Variants in ZBTB25 observed in about 807,000 individuals in gnomAD.
ZBTB25 encodes the protein zinc finger and BTB domain containing 25, also known as zinc finger and BTB domain-containing protein 25.
A neutral mutation model predicts 34.2 loss-of-function variants in ZBTB25; 20 were observed. The observed-to-expected ratio is 0.58, with a 90% confidence interval of 0.41 to 0.85. ZBTB25 has a LOEUF of 0.85. Among genes scored for constraint, ZBTB25 ranks in the 40% least tolerant of loss-of-function variants. The pLI is 0.00. For missense variants in ZBTB25, 437 were observed against 521.8 expected (o/e 0.84, Z 1.58); for synonymous variants, 175 against 186.4 (o/e 0.94, Z 0.50).
intron 1 of ZBTB25, chr14:64,499,476 G>C (rs1424314299): frequency 6.6e-6 from 1 of 152,078 alleles, no homozygotes; most frequent in Non-Finnish European, 1.5e-5. Flanking sequence ...TGAGGCGGGA[G>C]AATCGCTTGA....
At chr14:64,504,580 A>C, upstream of ZBTB25, 1 of 225,658 alleles carries the variant, frequency 4.4e-6, no homozygotes, top group Non-Finnish European at 8.6e-6. Context: ...TCGACGCAGA[A>C]ACTTGTTGCA....
chr14:64,494,220 A>C (rs78200409), intron 1 of ZBTB25, among the ~76,000 whole-genome samples: 3,974 of 152,306 alleles, frequency 0.026, 165 homozygotes, highest in African/African-American at 0.09. Flanking sequence ...GAAGAGAAAC[A>C]TGGGGGTGAG....
chr14:64,451,979 A>G (rs2078379406), intron 2 of ZBTB25, among the ~76,000 whole-genome samples: 1 of 152,138 alleles, frequency 6.6e-6, no homozygotes, highest in Admixed American at 6.5e-5. Flanking sequence ...TTTTGTTTTT[A>G]TAGATAGATT....
In ZBTB25 at chr14:64,503,705, G is replaced by A. The variant is rs771243731; in HGVS notation, c.-52C>T. On this transcript the variant is annotated 5_prime_UTR_variant, in exon 1 of 3. Coordinates refer to ENST00000608382, the MANE Select transcript of ZBTB25 (RefSeq NM_006977.5). ...CAGGCCGACTCCTCCGTGCAGGAGGGGCGGGCTCCCAAGCCGCGCACTGCA... is the reference window on the plus strand; with the variant it reads ...CAGGCCGACTCCTCCGTGCAGGAGGAGCGGGCTCCCAAGCCGCGCACTGCA... 4.1e-6 allele frequency: 3 copies of A among 733,398 alleles called. No homozygotes were observed. The highest frequency in any genetic ancestry group is 5.0e-6 in the Non-Finnish European group (3 of 599,806). 45.4% of individuals were successfully genotyped at this position (733,398 alleles called of 1,614,324 possible).
chr14:64,505,047 AT>A (rs1452587222), upstream of ZBTB25: 1 of 375,722 alleles, frequency 2.7e-6, no homozygotes, highest in African/African-American at 2.1e-5. Context: ...AGGGGCGCCG[AT>A]CCGTGCGGGG....
rs2078802319 is a variant in ZBTB25, at chr14:64,482,172, G to C, written c.*4751C>G. ...ACCTACATCAAAGAAATAAAAATAG[G>C]CTGGGCCCAGTGGCCCATACCTGTA... On this transcript the variant is annotated 3_prime_UTR_variant, in exon 3 of 3. Coordinates refer to ENST00000608382, the MANE Select transcript of ZBTB25 (RefSeq NM_006977.5). The C allele has an allele frequency of 6.6e-6, 1 of 152,036 alleles. No individual in the cohort carries two copies. The highest frequency in any genetic ancestry group is 2.4e-5 in the African/African-American group (1 of 41,366). 9.4% of individuals were successfully genotyped at this position (152,036 alleles called of 1,614,324 possible).
intron 2 of ZBTB25, among the ~76,000 whole-genome samples, chr14:64,452,910 A>T (rs2078398205): frequency 6.6e-6 from 1 of 150,860 alleles, no homozygotes. Flanking sequence ...TTAAAGAGAC[A>T]GAGTGTTGCT....
chr14:64,457,681 C>T (rs2078497736), intron 2 of ZBTB25, among the ~76,000 whole-genome samples: 1 of 152,054 alleles, frequency 6.6e-6, no homozygotes, highest in Non-Finnish European at 1.5e-5. Flanking sequence ...GTCTCAAATT[C>T]CTGACCTCAG....
intron 2 of ZBTB25, among the ~76,000 whole-genome samples, chr14:64,457,784 A>G (rs1418515743): frequency 1.3e-5 from 2 of 152,150 alleles, no homozygotes; most frequent in East Asian, 3.9e-4. Context: ...TTTTAACAGG[A>G]TCAGTGACTT....
chr14:64,450,894 A>G (rs2078360445), intron 2 of ZBTB25, among the ~76,000 whole-genome samples: 1 of 152,058 alleles, frequency 6.6e-6, no homozygotes, highest in Admixed American at 6.6e-5. Context: ...TTGGCCAGGC[A>G]CAGTGGCTCA....
At chr14:64,457,714 C>G (rs2078498245) in intron 2 of ZBTB25, among the ~76,000 whole-genome samples, 1 of 152,080 alleles carries the variant, frequency 6.6e-6, no homozygotes, top group Admixed American at 6.6e-5. Flanking sequence ...CCTTGGCCTC[C>G]CAGAGTGCTA....
intron 1 of ZBTB25, 177 bp downstream of exon 1, chr14:64,503,484 G>A (rs2079567618): frequency 1.0e-6 from 1 of 985,268 alleles, no homozygotes. Context: ...GCTCACTCGC[G>A]GATGTATTTT....
intron 1 of ZBTB25, among the ~76,000 whole-genome samples, chr14:64,497,286 A>G (rs994847325): frequency 6.6e-6 from 1 of 152,222 alleles, no homozygotes; most frequent in Non-Finnish European, 1.5e-5. Flanking sequence ...CCATTGAGTT[A>G]TTAGAACATT....
In ZBTB25 at chr14:64,487,693, T is replaced by C. The variant is rs1291210917; in HGVS notation, c.538A>G (p.Thr180Ala). The change falls in exon 3 of 3, where the codon ACT becomes GCT. Residue 180 changes from threonine (T) to alanine (A), a missense_variant. Thr to Ala is a moderately conservative substitution (Grantham distance 58). Coordinates refer to ENST00000608382, the MANE Select transcript of ZBTB25 (RefSeq NM_006977.5). ...LSLAIGLDDG[T>A]ADQQRACPAT... Reference sequence around the variant, plus strand: ...GGACAGGCCCTCTGCTGGTCTGCAGTGCCATCATCCAGACCAATAGCAAGA... The same window carrying C: ...GGACAGGCCCTCTGCTGGTCTGCAGCGCCATCATCCAGACCAATAGCAAGA... The C allele has an allele frequency of 6.2e-7, 1 of 1,611,402 alleles. No homozygotes were observed. The highest frequency in any genetic ancestry group is 2.2e-5 in the East Asian group (1 of 44,856).
intron 1 of ZBTB25, among the ~76,000 whole-genome samples, chr14:64,492,117 C>CAAAAAAAAAAAAA (rs58321068): frequency 9.5e-5 from 7 of 74,034 alleles, no homozygotes; most frequent in East Asian, 4.3e-4. Flanking sequence ...GACCCTATCT[C>CAAAAAAAAAAAAA]AAAAAAAAAA....
chr14:64,479,926 TC>T lies in ZBTB25; in HGVS notation c.*6996del. On this transcript the variant is annotated 3_prime_UTR_variant, in exon 3 of 3. Transcript: ENST00000608382. ...CTCTCTCTCAGTTCTACCTGTTGTT[TC>T]TTTCTTTTTCTGGAGAATCCTGACT... is the stretch of plus-strand genomic sequence containing the variant. 1 of 152,658 alleles carries T rather than the reference TC, an allele frequency of 6.6e-6. No individual in the cohort carries two copies. The highest frequency in any genetic ancestry group is 1.9e-4 in the East Asian group (1 of 5,202). 9.5% of individuals were successfully genotyped at this position (152,658 alleles called of 1,614,324 possible). A position where few individuals can be genotyped will look rare whatever the true frequency, so the allele number is the denominator to read the frequency against.
chr14:64,468,382 G>A (rs769429616), intron 2 of ZBTB25: 4 of 1,587,972 alleles, frequency 2.5e-6, no homozygotes, highest in South Asian at 2.3e-5. Context: ...GAGAATAAGA[G>A]TGCAGTGTAA....
chr14:64,485,201 A>C lies in ZBTB25; in HGVS notation c.*1722T>G. On this transcript the variant is annotated 3_prime_UTR_variant, in exon 3 of 3. Transcript: ENST00000608382. ...TTAGAATTAGCTGGATTACTCTTTG[A>C]GCTCCCTCCTGATTGGACGCTGATG... 3.0e-6 allele frequency: 3 copies of C among 985,448 alleles called. No homozygotes were observed. Among genetic ancestry groups the C allele is most frequent in the Non-Finnish European group, 3.6e-6 (3 of 829,938 alleles). 61.0% of individuals were successfully genotyped at this position (985,448 alleles called of 1,614,324 possible). A position where few individuals can be genotyped will look rare whatever the true frequency, so the allele number is the denominator to read the frequency against.
Position 64,490,551 on chromosome 14 carries a change from G to C in ZBTB25, c.-7-11C>G, listed in dbSNP as rs2079043274. 3 of 1,603,608 alleles carry C rather than the reference G, an allele frequency of 1.9e-6. No homozygotes were observed. Among genetic ancestry groups the C allele is most frequent in the Non-Finnish European group, 2.6e-6 (3 of 1,174,060 alleles). On this transcript the variant is annotated splice_polypyrimidine_tract_variant and intron_variant, in intron 1 of 2. Coordinates refer to ENST00000608382, the MANE Select transcript of ZBTB25 (RefSeq NM_006977.5). Reference sequence around the variant, plus strand: ...GTGTCCATTGTGGTTCTGAAAAAAAGGACAAGATAAATGTAGATAGGTGTG... The same window carrying C: ...GTGTCCATTGTGGTTCTGAAAAAAACGACAAGATAAATGTAGATAGGTGTG...
Sources: gnomAD v4.1 joint callset for allele counts (sites outside exome capture counted in the v4.1 genomes callset) on GRCh38, gnomAD v4.1.1 for gene constraint, MANE v1.5 for transcripts, NCBI Gene and HGNC (gene_info 2026-07-23, HGNC 2026-07-21) for gene names.